Variants in FBXO22 observed in about 807,000 individuals in gnomAD.
FBXO22 encodes F-box protein 22.
Under a neutral mutation model 37.2 loss-of-function variants are expected in FBXO22, and 13 were observed. That is an observed-to-expected ratio of 0.35 (90% CI 0.23 to 0.56). The LOEUF (loss-of-function observed/expected upper bound fraction) is 0.56. Ranked by LOEUF, FBXO22 falls within the 20% of genes least tolerant of loss-of-function variation. The pLI, the probability that FBXO22 is intolerant of heterozygous loss-of-function variation, is 0.87. For missense variants in FBXO22, 446 were observed against 509.9 expected (o/e 0.87, Z 1.21); for synonymous variants, 189 against 189.1 (o/e 1.00, Z 0.00).
chr15:75,910,639 G>A (rs931309836), intron 2 of FBXO22, among the ~76,000 whole-genome samples: 7 of 152,102 alleles, frequency 4.6e-5, no homozygotes. Context: ...ATTTATTTAA[G>A]TTCCTTGTAG....
In FBXO22 at chr15:75,917,525, T is replaced by C. The variant is rs1055109661; in HGVS notation, c.628+131T>C. On this transcript the variant is annotated intron_variant, in intron 5 of 6. Coordinates refer to ENST00000308275, the MANE Select transcript of FBXO22 (RefSeq NM_147188.3). ...AATTAAGTACACCTGTCACTGGAGA[T>C]GTGGCTAATTCAAACAGGTGATTCA... The C allele has an allele frequency of 6.4e-6, 4 of 620,712 alleles. No homozygotes were observed. The African/African-American group carries it at 7.5e-5, about 12-fold the overall frequency. 38.5% of individuals were successfully genotyped at this position (620,712 alleles called of 1,614,324 possible).
At chr15:75,904,176 G>A in intron 1 of FBXO22, 73 bp downstream of exon 1, 6 of 1,467,110 alleles carry the variant, frequency 4.1e-6, no homozygotes, top group Non-Finnish European at 5.4e-6. Flanking sequence ...TGGCGGGGTG[G>A]GGGGAGAGAC....
chr15:75,931,507 G>C (rs1038391571), intron 6 of FBXO22, among the ~76,000 whole-genome samples: 1 of 152,190 alleles, frequency 6.6e-6, no homozygotes, highest in Non-Finnish European at 1.5e-5. Context: ...AGTTTTAAGA[G>C]CAGCAGAGGA....
chr15:75,917,373 A>G lies in FBXO22; in HGVS notation c.607A>G (p.Arg203Gly). ...IKDPKNLTLERHQLTEVGLLD... is the reference protein window; with the variant it reads ...IKDPKNLTLEGHQLTEVGLLD... ...GGATCCAAAGAATTTAACATTAGAAAGACATCAACTCACTGAAGTAGGTAA... is the reference window on the plus strand; with the variant it reads ...GGATCCAAAGAATTTAACATTAGAAGGACATCAACTCACTGAAGTAGGTAA... The change falls in exon 5 of 7, where the codon AGA becomes GGA. Residue 203 changes from arginine (R) to glycine (G), a missense_variant. Coordinates refer to ENST00000308275, the MANE Select transcript of FBXO22 (RefSeq NM_147188.3). 1.3e-6 allele frequency: 2 copies of G among 1,593,756 alleles called. No individual in the cohort carries two copies.
intron 1 of FBXO22, 178 bp from the exon 2 acceptor site, chr15:75,904,313 T>A: frequency 9.0e-7 from 1 of 1,116,674 alleles, no homozygotes; most frequent in Non-Finnish European, 1.3e-6. Context: ...CCCCTTAAGG[T>A]TTTCTCCATA....
chr15:75,921,384 G>A (rs560152532), intron 5 of FBXO22, among the ~76,000 whole-genome samples: 12 of 152,134 alleles, frequency 7.9e-5, no homozygotes, highest in African/African-American at 2.9e-4. Context: ...TTGTTTGGCC[G>A]GGCACAGTGG....
At chr15:75,931,906 A>G (rs2030034992) in intron 6 of FBXO22, among the ~76,000 whole-genome samples, 1 of 152,206 alleles carries the variant, frequency 6.6e-6, no homozygotes, top group African/African-American at 2.4e-5. Context: ...TAAAACTTCT[A>G]GAGTTAATAG....
At chr15:75,932,559 G>T in intron 6 of FBXO22, 126 bp from the exon 7 acceptor site, 1 of 838,660 alleles carries the variant, frequency 1.2e-6, no homozygotes, top group African/African-American at 1.7e-5. Context: ...CTATGAGGGT[G>T]AGCCTCAGAT....
At chr15:75,915,370 G>A (rs999063563) in intron 4 of FBXO22, among the ~76,000 whole-genome samples, 1 of 152,198 alleles carries the variant, frequency 6.6e-6, no homozygotes, top group Non-Finnish European at 1.5e-5. Context: ...GTCTTATACA[G>A]TGAGGTAAAA....
At chr15:75,912,957 A>C (rs1270473324) in intron 2 of FBXO22, among the ~76,000 whole-genome samples, 1 of 152,184 alleles carries the variant, frequency 6.6e-6, no homozygotes, top group African/African-American at 2.4e-5. Context: ...AGATTCTGGT[A>C]CATTGTGTCC....
chr15:75,904,789 T>G (rs1899885056), intron 2 of FBXO22, among the ~76,000 whole-genome samples, 160 bp downstream of exon 2: 1 of 151,934 alleles, frequency 6.6e-6, no homozygotes, highest in South Asian at 2.1e-4. Flanking sequence ...GGTAAGGATG[T>G]GTCATGATTT....
chr15:75,912,707 A>G (rs1415928471), intron 2 of FBXO22, among the ~76,000 whole-genome samples: 1 of 152,096 alleles, frequency 6.6e-6, no homozygotes, highest in East Asian at 1.9e-4. Context: ...AATCTTTTCA[A>G]AAAACCAGCT....
rs2030228687 is a variant in FBXO22, at chr15:75,935,109, T to C, written c.*2007T>C. On this transcript the variant is annotated 3_prime_UTR_variant, in exon 7 of 7. Coordinates refer to ENST00000308275, the MANE Select transcript of FBXO22 (RefSeq NM_147188.3). ...GACCTAATAGAAACAATAGTAGTAT[T>C]GATAAGAACAAAAGTCATCCTCCCT... 1 of 152,180 alleles carries C rather than the reference T, an allele frequency of 6.6e-6. No individual in the cohort carries two copies. The highest frequency in any genetic ancestry group is 1.5e-5 in the Non-Finnish European group (1 of 68,036). 9.4% of individuals were successfully genotyped at this position (152,180 alleles called of 1,614,324 possible).
Position 75,940,454 on chromosome 15 carries a change from T to A in FBXO22, c.*7352T>A, listed in dbSNP as rs1241819456. The A allele has an allele frequency of 1.6e-5, 1 of 62,054 alleles. No individual in the cohort carries two copies. The highest frequency in any genetic ancestry group is 3.6e-5 in the Non-Finnish European group (1 of 27,546). 3.8% of individuals were successfully genotyped at this position (62,054 alleles called of 1,614,324 possible). A position where few individuals can be genotyped will look rare whatever the true frequency, so the allele number is the denominator to read the frequency against. On this transcript the variant is annotated 3_prime_UTR_variant, in exon 7 of 7. Transcript: ENST00000308275. ...TACAGTCTCTATCAGAATCCTAGGATTTTTTTTTTTTTTTTTGCAGAAATA... is the reference window on the plus strand; with the variant it reads ...TACAGTCTCTATCAGAATCCTAGGAATTTTTTTTTTTTTTTTGCAGAAATA...
chr15:75,906,011 T>A (rs913165767), intron 2 of FBXO22, among the ~76,000 whole-genome samples: 2 of 152,248 alleles, frequency 1.3e-5, no homozygotes, highest in African/African-American at 4.8e-5. Flanking sequence ...TATTTATTTA[T>A]ATCTGTACAC....
At chr15:75,914,668 T>G (rs1295395808) in intron 4 of FBXO22, among the ~76,000 whole-genome samples, 2 of 152,170 alleles carry the variant, frequency 1.3e-5, no homozygotes, top group Non-Finnish European at 2.9e-5. Flanking sequence ...TGCTGGTGAA[T>G]TTTTGCTGGT....
intron 3 of FBXO22, 56 bp from the exon 4 acceptor site, chr15:75,914,054 C>T: frequency 1.5e-6 from 2 of 1,298,368 alleles, no homozygotes; most frequent in African/African-American, 1.5e-5. Context: ...CTTTTTCATT[C>T]TCAGATTTGA....
chr15:75,941,875 G>A lies in FBXO22; in HGVS notation c.*8773G>A, dbSNP rs2030994395. The A allele has an allele frequency of 7.7e-6, 1 of 129,820 alleles. No homozygotes were observed. The highest frequency in any genetic ancestry group is 2.6e-4 in the East Asian group (1 of 3,820). 8.0% of individuals were successfully genotyped at this position (129,820 alleles called of 1,614,324 possible). On this transcript the variant is annotated 3_prime_UTR_variant, in exon 7 of 7. Coordinates refer to ENST00000308275, the MANE Select transcript of FBXO22 (RefSeq NM_147188.3). ...CGAATGTATTTAATGCCTTTAAACT[G>A]TAACTTCAAAATGGTTAAAATTTAA...
rs1423979140 is a variant in FBXO22 at position 75,940,526 on chromosome 15, T to C, written c.*7424T>C. ...ATGTGGAATCTGAAGGGATCCCAAA[T>C]AGCCAAGTCAGTCTTGAGAAAGAAG... On this transcript the variant is annotated 3_prime_UTR_variant, in exon 7 of 7. Transcript: ENST00000308275. 1.3e-5 allele frequency: 2 copies of C among 149,900 alleles called. No homozygotes were observed. Among genetic ancestry groups the C allele is most frequent in the Non-Finnish European group, 3.0e-5 (2 of 67,658 alleles). The allele number at this position is 149,900 out of a possible 1,614,324, so 9.3% of individuals were successfully genotyped here. A position where few individuals can be genotyped will look rare whatever the true frequency, so the allele number is the denominator to read the frequency against.
Sources: gnomAD v4.1 joint callset for allele counts (sites outside exome capture counted in the v4.1 genomes callset) on GRCh38, gnomAD v4.1.1 for gene constraint, MANE v1.5 for transcripts, NCBI Gene and HGNC (gene_info 2026-07-23, HGNC 2026-07-21) for gene names.